The following TTC17 variants were observed in gnomAD, a reference collection of about 807,000 sequenced individuals.
TTC17 encodes tetratricopeptide repeat protein 17.
A neutral mutation model predicts 143.8 loss-of-function variants in TTC17; 58 were observed. The ratio of observed to expected loss-of-function variants is 0.40; its 90% CI spans 0.33 to 0.50. The LOEUF (loss-of-function observed/expected upper bound fraction) is 0.50, where lower values mean the gene tolerates loss of function less well. Ranked by LOEUF, TTC17 falls within the 20% of genes least tolerant of loss-of-function variation. The pLI is 0.49. For synonymous variants in TTC17, 501 were observed against 497.8 expected (o/e 1.01, Z -0.09); for missense variants, 1,273 against 1,392.5 (o/e 0.91, Z 1.37).
At chr11:43,388,937 C>A (rs529828670) in intron 2 of TTC17, among the ~76,000 whole-genome samples, 23 of 151,042 alleles carry the variant, frequency 1.5e-4, no homozygotes, top group Middle Eastern at 3.4e-3. Flanking sequence ...GATCGCACTA[C>A]TGCACTCAGC....
At chr11:43,443,922 G>T (rs531533429) in intron 17 of TTC17, 134 bp from the exon 18 acceptor site, 1 of 1,046,254 alleles carries the variant, frequency 9.6e-7, no homozygotes, top group Non-Finnish European at 1.4e-6. Flanking sequence ...TTTTATTTAG[G>T]TCTTTAAGAA....
intron 18 of TTC17, chr11:43,445,918 CT>C: frequency 9.0e-7 from 1 of 1,116,672 alleles, no homozygotes; most frequent in Non-Finnish European, 1.3e-6. Context: ...ATTTCATTTC[CT>C]TTTTTGGTTA....
rs867766740 is a variant in TTC17 at position 43,447,934 on chromosome 11, A to G, written c.2666-68A>G. 2.9e-5 allele frequency: 46 copies of G among 1,568,316 alleles called. No individual in the cohort carries two copies. The African/African-American group carries it at 6.0e-4, about 20-fold the overall frequency. Reference sequence around the variant, plus strand: ...CACCAATCCAGGTGAAGTAATCACCAGGGCATAAGGCCCTTTGGGTTCTCT... The same window carrying G: ...CACCAATCCAGGTGAAGTAATCACCGGGGCATAAGGCCCTTTGGGTTCTCT... On this transcript the variant is annotated intron_variant, in intron 18 of 23. Coordinates refer to ENST00000039989, the MANE Select transcript of TTC17 (RefSeq NM_018259.6).
rs186047539 is a variant in TTC17, at chr11:43,483,007, A to G, written c.3031-7232A>G. Among the ~76,000 whole-genome samples, 7 of 152,270 alleles carry G rather than the reference A, an allele frequency of 4.6e-5. No individual in the cohort carries two copies. In the East Asian group the frequency reaches 1.3e-3, roughly 29 times the overall value. Reference sequence around the variant, plus strand: ...ATTCTCAATATCAAGAAAAAGGGCAAAACAAAACTATGGTTATATCAAATT... The same window carrying G: ...ATTCTCAATATCAAGAAAAAGGGCAGAACAAAACTATGGTTATATCAAATT... On this transcript the variant is annotated intron_variant, in intron 21 of 23. Coordinates refer to ENST00000039989, the MANE Select transcript of TTC17 (RefSeq NM_018259.6).
At chr11:43,475,513 T>A (rs1408607457) in intron 21 of TTC17, among the ~76,000 whole-genome samples, 4 of 152,158 alleles carry the variant, frequency 2.6e-5, no homozygotes, top group African/African-American at 7.2e-5. Context: ...TTAAATTTTT[T>A]AAATAGAGAC....
intron 16 of TTC17, among the ~76,000 whole-genome samples, chr11:43,416,728 A>G (rs1480083394): frequency 6.6e-6 from 1 of 152,172 alleles, no homozygotes; most frequent in African/African-American, 2.4e-5. Flanking sequence ...AAAAATATTT[A>G]GTACCTTTTA....
chr11:43,463,989 C>A (rs1486359528), intron 21 of TTC17, among the ~76,000 whole-genome samples: 1 of 152,128 alleles, frequency 6.6e-6, no homozygotes, highest in Non-Finnish European at 1.5e-5. Flanking sequence ...AAATTATATC[C>A]ATTCCACGGG....
At chr11:43,446,591 G>C in intron 18 of TTC17, 1 of 846,136 alleles carries the variant, frequency 1.2e-6, no homozygotes, top group Non-Finnish European at 1.4e-6. Flanking sequence ...TTTAAACAGA[G>C]TTAATTTGAA....
At chr11:43,366,180 T>C (rs1299365672) in intron 1 of TTC17, among the ~76,000 whole-genome samples, 2 of 152,072 alleles carry the variant, frequency 1.3e-5, no homozygotes, top group African/African-American at 4.8e-5. Flanking sequence ...ATCACCAAGA[T>C]CTTTGTTTTA....
intron 2 of TTC17, among the ~76,000 whole-genome samples, chr11:43,387,864 A>G (rs1857226130): frequency 6.6e-6 from 1 of 152,232 alleles, no homozygotes; most frequent in African/African-American, 2.4e-5. Flanking sequence ...TCACAATAAC[A>G]TAGTCTACTA....
At chr11:43,412,981 G>C (rs1741471214) in intron 15 of TTC17, among the ~76,000 whole-genome samples, 1 of 140,386 alleles carries the variant, frequency 7.1e-6, no homozygotes, top group Non-Finnish European at 1.6e-5. Flanking sequence ...ACCTAGAATA[G>C]ACACACACAC....
At chr11:43,359,395 C>T (rs1856002864) in intron 1 of TTC17, 1 of 405,744 alleles carries the variant, frequency 2.5e-6, no homozygotes, top group Non-Finnish European at 4.4e-6. Context: ...GAGACGGGCC[C>T]TACGGACCTT....
Position 43,396,873 on chromosome 11 carries a change from G to C in TTC17, c.773+55G>C, listed in dbSNP as rs1302833687. The C allele has an allele frequency of 4.7e-6, 5 of 1,052,830 alleles. No individual in the cohort carries two copies. The African/African-American group carries it at 8.3e-5, about 17-fold the overall frequency. 65.2% of individuals were successfully genotyped at this position (1,052,830 alleles called of 1,614,324 possible). The stretch of plus-strand genomic sequence containing the variant: ...TTCCACATTCCTCAGGACTGTTAAA[G>C]AAACAATACATAAGAAAGCAGTAAG... On this transcript the variant is annotated intron_variant, in intron 6 of 23. Coordinates refer to ENST00000039989, the MANE Select transcript of TTC17 (RefSeq NM_018259.6).
chr11:43,390,440 C>G lies in TTC17; in HGVS notation c.419+619C>G, dbSNP rs887219476. On this transcript the variant is annotated intron_variant, in intron 3 of 23. Transcript: ENST00000039989. ...CCATCCTGGCTAACACGGTGAAACC[C>G]CGTCTCTACTAAAAATGCAAAACAA... 3.0e-4 allele frequency: 45 copies of G among 151,930 alleles called. 1 individual carries two copies. Among genetic ancestry groups the G allele is most frequent in the African/African-American group, 1.1e-3 (45 of 41,354 alleles). 9.4% of individuals were successfully genotyped at this position (151,930 alleles called of 1,614,324 possible).
intron 2 of TTC17, among the ~76,000 whole-genome samples, chr11:43,388,641 C>T (rs564866487): frequency 1.3e-5 from 2 of 151,250 alleles, no homozygotes; most frequent in African/African-American, 4.9e-5. Context: ...GAGTTTGAGA[C>T]CAGCCTGGGC....
chr11:43,361,331 G>A (rs1368439390), intron 1 of TTC17, among the ~76,000 whole-genome samples: 1 of 152,176 alleles, frequency 6.6e-6, no homozygotes, highest in African/African-American at 2.4e-5. Context: ...ATAATTAAAA[G>A]CTTAGTATAT....
chr11:43,419,787 C>T (rs570622575), intron 16 of TTC17, among the ~76,000 whole-genome samples: 3 of 152,266 alleles, frequency 2.0e-5, no homozygotes, highest in Non-Finnish European at 4.4e-5. Flanking sequence ...TAACTCCTGG[C>T]TCAGGCAATC....
chr11:43,404,398 G>C (rs1858015925), intron 11 of TTC17, among the ~76,000 whole-genome samples: 1 of 152,190 alleles, frequency 6.6e-6, no homozygotes, highest in Non-Finnish European at 1.5e-5. Flanking sequence ...TTTATCCTCT[G>C]AGTATTATTA....
chr11:43,377,287 C>T (rs961186224), intron 1 of TTC17, among the ~76,000 whole-genome samples: 2 of 151,414 alleles, frequency 1.3e-5, no homozygotes, highest in African/African-American at 4.9e-5. Flanking sequence ...AGTAAGATTC[C>T]GTCTAAAAAA....
Sources: allele counts gnomAD v4.1 joint callset (sites outside exome capture counted in the v4.1 genomes callset), GRCh38; gene constraint gnomAD v4.1.1; transcripts MANE v1.5; gene names NCBI Gene and HGNC (gene_info 2026-07-23, HGNC 2026-07-21).